Variants in CACNA2D3 observed in about 807,000 individuals in gnomAD.
CACNA2D3 encodes voltage-dependent calcium channel subunit alpha-2/delta-3.
A neutral mutation model predicts 160.6 loss-of-function variants in CACNA2D3; 60 were observed. That is an observed-to-expected ratio of 0.37 (90% CI 0.30 to 0.46). The LOEUF is 0.46. Among genes scored for constraint, CACNA2D3 ranks in the 20% least tolerant of loss-of-function variants. The pLI is 1.00. For missense variants in CACNA2D3, 1,205 were observed against 1,365.0 expected (o/e 0.88, Z 1.85); for synonymous variants, 558 against 492.9 (o/e 1.13, Z -1.75).
intron 35 of CACNA2D3, among the ~76,000 whole-genome samples, chr3:55,033,392 G>A (rs1703719419): frequency 6.6e-6 from 1 of 151,854 alleles, no homozygotes; most frequent in Non-Finnish European, 1.5e-5. Flanking sequence ...TCCTCTAGAG[G>A]AGCAACCATT....
At chr3:55,027,787 G>T (rs913375740) in intron 35 of CACNA2D3, among the ~76,000 whole-genome samples, 1 of 152,226 alleles carries the variant, frequency 6.6e-6, no homozygotes, top group Admixed American at 6.5e-5. Context: ...CTCGCCTTCC[G>T]CAATGGAACA....
At chr3:54,757,998 A>G (rs1396172691) in intron 12 of CACNA2D3, among the ~76,000 whole-genome samples, 2 of 152,228 alleles carry the variant, frequency 1.3e-5, no homozygotes, top group Non-Finnish European at 2.9e-5. Context: ...CTAGGAAAAG[A>G]AAACTAGAGA....
chr3:54,417,802 G>A (rs905726714), intron 4 of CACNA2D3, among the ~76,000 whole-genome samples: 1 of 145,106 alleles, frequency 6.9e-6, no homozygotes. Context: ...GTGTGGGGGG[G>A]GGGGTGGGGG....
At chr3:54,559,662 G>T (rs560799218) in intron 5 of CACNA2D3, among the ~76,000 whole-genome samples, 3 of 152,126 alleles carry the variant, frequency 2.0e-5, no homozygotes, top group Admixed American at 6.5e-5. Flanking sequence ...TGTCATGGGG[G>T]TTTGTCGTAC....
intron 35 of CACNA2D3, among the ~76,000 whole-genome samples, chr3:55,028,307 A>G (rs358054): frequency 0.52 from 78,687 of 152,026 alleles, 20,845 homozygotes; most frequent in African/African-American, 0.61. Flanking sequence ...TATAGGGTTT[A>G]TTAAGAATGC....
intron 14 of CACNA2D3, among the ~76,000 whole-genome samples, chr3:54,829,406 T>G (rs1464318737): frequency 2.6e-5 from 4 of 152,092 alleles, no homozygotes; most frequent in Non-Finnish European, 4.4e-5. Context: ...TAGTTGGCCA[T>G]TGAAAGGTTA....
intron 10 of CACNA2D3, chr3:54,639,630 C>G (rs1272946858): frequency 3.9e-6 from 1 of 255,514 alleles, no homozygotes; most frequent in Non-Finnish European, 7.5e-6. Flanking sequence ...TGAGATGTTT[C>G]TTGGGCTGGT....
chr3:55,015,548 A>G (rs936145190), intron 34 of CACNA2D3, among the ~76,000 whole-genome samples: 6 of 152,222 alleles, frequency 3.9e-5, no homozygotes, highest in Non-Finnish European at 8.8e-5. Context: ...AACCTAAGCT[A>G]TTGTATACTT....
At chr3:54,846,261 G>T in intron 16 of CACNA2D3, 132 bp from the exon 17 acceptor site, 1 of 525,600 alleles carries the variant, frequency 1.9e-6, no homozygotes, top group South Asian at 3.5e-5. Flanking sequence ...TCATTTTAAT[G>T]AAATATTGTG....
chr3:54,476,619 C>G (rs1013874823), intron 4 of CACNA2D3, among the ~76,000 whole-genome samples: 1 of 152,004 alleles, frequency 6.6e-6, no homozygotes, highest in South Asian at 2.1e-4. Flanking sequence ...TGAGATGTTA[C>G]TTCTTTGTGG....
In CACNA2D3 at chr3:54,345,429, A is replaced by G. The variant is rs148441589; in HGVS notation, c.321+24871A>G. Among the ~76,000 whole-genome samples the G allele has an allele frequency of 1.2e-3, 186 of 152,172 alleles. 1 individual carries two copies. The highest frequency in any genetic ancestry group is 3.0e-3 in the Admixed American group (46 of 15,286). ...TTTTTAAAGCAGGCTTTTAAACACT[A>G]CTGCTGAAGGGAAACCAGCTGGTCA... On this transcript the variant is annotated intron_variant, in intron 3 of 37. Transcript: ENST00000474759.
intron 30 of CACNA2D3, among the ~76,000 whole-genome samples, chr3:54,985,420 G>T (rs563075882): frequency 5.3e-5 from 8 of 152,038 alleles, no homozygotes; most frequent in African/African-American, 1.9e-4. Flanking sequence ...TTACATTAAC[G>T]TATAAAAAAA....
At chr3:54,989,560 C>G (rs939310717) in intron 31 of CACNA2D3, among the ~76,000 whole-genome samples, 1 of 152,162 alleles carries the variant, frequency 6.6e-6, no homozygotes, top group African/African-American at 2.4e-5. Flanking sequence ...CAAATCTAGG[C>G]TCTGACATTA....
chr3:54,522,520 T>C (rs1001472728), intron 5 of CACNA2D3, among the ~76,000 whole-genome samples: 1 of 152,178 alleles, frequency 6.6e-6, no homozygotes, highest in Non-Finnish European at 1.5e-5. Context: ...ATTTCCTGAG[T>C]CTATTTTATG....
chr3:54,549,958 C>T (rs1470963399), intron 5 of CACNA2D3, among the ~76,000 whole-genome samples: 1 of 152,168 alleles, frequency 6.6e-6, no homozygotes, highest in Non-Finnish European at 1.5e-5. Context: ...AGAGACTTCC[C>T]TGAGTGAATA....
chr3:54,367,531 C>T, intron 3 of CACNA2D3: 1 of 297,884 alleles, frequency 3.4e-6, no homozygotes, highest in Non-Finnish European at 6.8e-6. Context: ...AGAGAGAGTG[C>T]AGGGCTCATG....
intron 11 of CACNA2D3, among the ~76,000 whole-genome samples, chr3:54,665,359 C>T (rs531388139): frequency 6.6e-6 from 1 of 152,342 alleles, no homozygotes; most frequent in Admixed American, 6.5e-5. Flanking sequence ...GAAATGCATT[C>T]ATCTCTCTGG....
chr3:54,419,847 C>A lies in CACNA2D3; in HGVS notation c.381+33073C>A, dbSNP rs530792521. ...GTGGCATGATCTTGGTTCACTGCAA[C>A]CTCCGTCTCCTGGATTCAAGCAATT... On this transcript the variant is annotated intron_variant, in intron 4 of 37. Transcript: ENST00000474759. 3.9e-5 allele frequency among the ~76,000 whole-genome samples: 6 copies of A among 152,218 alleles called. No individual in the cohort carries two copies. In the East Asian group the frequency reaches 1.2e-3, roughly 30 times the overall value.
chr3:54,905,930 A>G (rs1308500271), intron 27 of CACNA2D3, among the ~76,000 whole-genome samples: 1 of 152,198 alleles, frequency 6.6e-6, no homozygotes, highest in African/African-American at 2.4e-5. Flanking sequence ...ATAAATATAT[A>G]TATTGCACCT....
Sources: allele counts gnomAD v4.1 joint callset (sites outside exome capture counted in the v4.1 genomes callset), GRCh38; gene constraint gnomAD v4.1.1; transcripts MANE v1.5; gene names NCBI Gene and HGNC (gene_info 2026-07-23, HGNC 2026-07-21).